ERBB4: variants seen among roughly 807,000 people sequenced by gnomAD.
ERBB4 encodes the protein receptor tyrosine-protein kinase erbB-4.
In ERBB4, 42 loss-of-function variants were observed where a neutral mutation model predicts 158.0. The observed-to-expected ratio is 0.27, with a 90% CI of 0.21 to 0.34. The LOEUF (loss-of-function observed/expected upper bound fraction) is 0.34. Ranked by LOEUF, ERBB4 falls within the 10% of genes least tolerant of loss-of-function variation. The probability of loss-of-function intolerance (pLI) is 1.00; values close to 1 mark genes in which losing one functional copy is unlikely to be tolerated. For synonymous variants in ERBB4, 583 were observed against 558.7 expected (o/e 1.04, Z -0.61); for missense variants, 1,333 against 1,624.1 (o/e 0.82, Z 3.08).
At chr2:211,477,104 T>C (rs2064972924) in intron 20 of ERBB4, among the ~76,000 whole-genome samples, 1 of 152,082 alleles carries the variant, frequency 6.6e-6, no homozygotes, top group African/African-American at 2.4e-5. Flanking sequence ...CTCCCTGATA[T>C]TGGTGGGCCT....
chr2:212,236,799 G>A (rs1000341443), intron 1 of ERBB4, among the ~76,000 whole-genome samples: 2 of 152,146 alleles, frequency 1.3e-5, no homozygotes, highest in African/African-American at 4.8e-5. Context: ...ATTTCTGTGG[G>A]ATCAGTGGTG....
intron 20 of ERBB4, among the ~76,000 whole-genome samples, chr2:211,498,415 T>G (rs1480909646): frequency 6.6e-6 from 1 of 152,092 alleles, no homozygotes; most frequent in African/African-American, 2.4e-5. Flanking sequence ...TATATATCTA[T>G]ATACAAAACA....
intron 3 of ERBB4, among the ~76,000 whole-genome samples, chr2:211,858,315 C>A (rs781516945): frequency 5.3e-5 from 8 of 152,116 alleles, no homozygotes; most frequent in Non-Finnish European, 1.0e-4. Context: ...CTTACAGTCC[C>A]GTAGACAGTT....
chr2:211,597,637 T>A (rs1016668340), intron 19 of ERBB4, among the ~76,000 whole-genome samples: 1 of 148,414 alleles, frequency 6.7e-6, no homozygotes. Flanking sequence ...TTATACAATA[T>A]TTCAGAAAAA....
intron 4 of ERBB4, among the ~76,000 whole-genome samples, chr2:211,772,832 TATAC>T (rs1553629878): frequency 1.4e-4 from 2 of 14,230 alleles, no homozygotes; most frequent in African/African-American, 3.4e-4. Flanking sequence ...TATATATATA[TATAC>T]ACATATATAT....
intron 1 of ERBB4, among the ~76,000 whole-genome samples, chr2:212,254,242 C>T (rs1416264140): frequency 6.6e-6 from 1 of 152,024 alleles, no homozygotes; most frequent in Non-Finnish European, 1.5e-5. Context: ...TCAGTCCAAA[C>T]GTATTTGCTC....
At chr2:211,452,469 C>T (rs900022828) in intron 20 of ERBB4, among the ~76,000 whole-genome samples, 1 of 152,170 alleles carries the variant, frequency 6.6e-6, no homozygotes, top group Non-Finnish European at 1.5e-5. Flanking sequence ...AGCCACCGCC[C>T]CCAGCCAATA....
chr2:211,796,864 C>T (rs757449895), intron 3 of ERBB4, among the ~76,000 whole-genome samples: 3 of 151,730 alleles, frequency 2.0e-5, no homozygotes, highest in Non-Finnish European at 4.4e-5. Flanking sequence ...AGGTGTAACC[C>T]TCATAACTTA....
rs574011333 is a variant in ERBB4 at position 211,408,990 on chromosome 2, G to A, written c.3135+11451C>T. Among the ~76,000 whole-genome samples the A allele has an allele frequency of 9.9e-5, 15 of 152,212 alleles. No individual in the cohort carries two copies. The East Asian group carries it at 1.5e-3, about 16-fold the overall frequency. The stretch of plus-strand genomic sequence containing the variant: ...AGGATATTTTTCAAAATAGTACTTC[G>A]TAGTCTAGAGTAAAACGAAAAAGGC... On this transcript the variant is annotated intron_variant, in intron 25 of 27. Coordinates refer to ENST00000342788, the MANE Select transcript of ERBB4 (RefSeq NM_005235.3).
intron 3 of ERBB4, among the ~76,000 whole-genome samples, chr2:211,894,768 A>G (rs2079057732): frequency 6.6e-6 from 1 of 152,070 alleles, no homozygotes; most frequent in Admixed American, 6.5e-5. Context: ...TAATATTAAG[A>G]GTGTAAATGG....
chr2:212,191,608 C>A (rs36146660), intron 1 of ERBB4, among the ~76,000 whole-genome samples: 3,105 of 24,388 alleles, frequency 0.13, 382 homozygotes, highest in African/African-American at 0.17. Flanking sequence ...TGTGTTATGC[C>A]TGTTATATAT....
intron 20 of ERBB4, among the ~76,000 whole-genome samples, chr2:211,439,101 C>T (rs954405099): frequency 6.6e-6 from 1 of 151,874 alleles, no homozygotes; most frequent in Non-Finnish European, 1.5e-5. Flanking sequence ...GGACATTCAG[C>T]TGGAAGTTTT....
intron 1 of ERBB4, among the ~76,000 whole-genome samples, chr2:212,523,456 T>C (rs912477947): frequency 1.3e-5 from 2 of 152,050 alleles, no homozygotes; most frequent in Non-Finnish European, 2.9e-5. Flanking sequence ...TTATATTCTC[T>C]ATTGTTTTTT....
intron 3 of ERBB4, among the ~76,000 whole-genome samples, chr2:211,861,350 G>GTTTTTTTTTTTTT (rs67133944): frequency 2.2e-5 from 2 of 88,952 alleles, no homozygotes; most frequent in South Asian, 4.1e-4. Flanking sequence ...TTTTTTTTTT[G>GTTTTTTTTTTTTT]TTTTTTTTTT....
chr2:212,528,619 T>C (rs1203137217), intron 1 of ERBB4, among the ~76,000 whole-genome samples: 1 of 152,174 alleles, frequency 6.6e-6, no homozygotes, highest in Non-Finnish European at 1.5e-5. Flanking sequence ...ACATTAACTC[T>C]TTTAGGCAAA....
chr2:211,991,976 G>A (rs1357030149), intron 2 of ERBB4, among the ~76,000 whole-genome samples: 1 of 152,100 alleles, frequency 6.6e-6, no homozygotes, highest in Non-Finnish European at 1.5e-5. Flanking sequence ...GTGAAGCAGA[G>A]TCTTAGCAAA....
intron 2 of ERBB4, among the ~76,000 whole-genome samples, chr2:212,022,797 T>C (rs554186707): frequency 6.6e-6 from 1 of 152,154 alleles, no homozygotes; most frequent in Non-Finnish European, 1.5e-5. Context: ...TGGTCACAAA[T>C]GAAATAATTC....
intron 5 of ERBB4, among the ~76,000 whole-genome samples, chr2:211,749,226 A>G (rs2075059253): frequency 6.6e-6 from 1 of 152,218 alleles, no homozygotes; most frequent in Non-Finnish European, 1.5e-5. Context: ...TATAGAAAAT[A>G]AGATCTCCAT....
intron 20 of ERBB4, among the ~76,000 whole-genome samples, chr2:211,440,239 G>A (rs1245902267): frequency 2.0e-5 from 3 of 152,120 alleles, no homozygotes; most frequent in South Asian, 2.1e-4. Context: ...TGTAGTGTCC[G>A]AACTCTCACA....
Sources: allele counts gnomAD v4.1 joint callset (sites outside exome capture counted in the v4.1 genomes callset), GRCh38; gene constraint gnomAD v4.1.1; transcripts MANE v1.5; gene names NCBI Gene and HGNC (gene_info 2026-07-23, HGNC 2026-07-21).